Variants in CELA2B observed in about 807,000 individuals in gnomAD.
CELA2B encodes chymotrypsin-like elastase family member 2B.
Under a neutral mutation model 36.5 loss-of-function variants are expected in CELA2B, and 27 were observed. The ratio of observed to expected loss-of-function variants is 0.74; its 90% CI spans 0.55 to 1.02. The LOEUF (loss-of-function observed/expected upper bound fraction) is 1.02. Among genes scored for constraint, CELA2B ranks in the 50% least tolerant of loss-of-function variants. The pLI is 0.00. For missense variants in CELA2B, 340 were observed against 347.8 expected (o/e 0.98, Z 0.18); for synonymous variants, 143 against 148.5 (o/e 0.96, Z 0.27).
At chr1:15,484,729 A>G (rs917063013) in intron 5 of CELA2B, among the ~76,000 whole-genome samples, 17 of 152,210 alleles carry the variant, frequency 1.1e-4, no homozygotes, top group African/African-American at 3.9e-4. Context: ...TCTGTCGGTC[A>G]CGGTGAAACC....
chr1:15,480,674 C>T (rs943759305), intron 2 of CELA2B, among the ~76,000 whole-genome samples: 7 of 152,164 alleles, frequency 4.6e-5, no homozygotes, highest in Non-Finnish European at 8.8e-5. Context: ...GGGGTAACCA[C>T]CCTCATGATT....
chr1:15,480,233 G>A (rs1708722954), intron 2 of CELA2B, among the ~76,000 whole-genome samples: 1 of 152,110 alleles, frequency 6.6e-6, no homozygotes, highest in African/African-American at 2.4e-5. Context: ...CATCCCCTGT[G>A]GAGACGGCCT....
chr1:15,486,001 G>A lies in CELA2B; in HGVS notation c.594G>A (p.Thr198=), dbSNP rs1187512251. Residue 198 remains threonine (T), a synonymous_variant, in exon 6 of 8, where the codon ACG becomes ACA. Transcript: ENST00000375910. ...GCTGGTGGGGCAGCACCGTGAAGAC[G>A]AATATGATCTGTGCTGGGGGTGATG... is the stretch of plus-strand genomic sequence containing the variant. The part of the protein sequence containing the change: ...SSGWWGSTVK[T]NMICAGGDGV... 10 of 1,614,038 alleles carry A rather than the reference G, an allele frequency of 6.2e-6. No homozygotes were observed. Among genetic ancestry groups the A allele is most frequent in the African/African-American group, 1.3e-5 (1 of 74,910 alleles).
At chr1:15,479,397 T>C (rs111546194) in intron 2 of CELA2B, among the ~76,000 whole-genome samples, 3,136 of 151,554 alleles carry the variant, frequency 0.021, 105 homozygotes, top group African/African-American at 0.067. Context: ...GTAAAAAAAA[T>C]CAGCAGGGCA....
intron 7 of CELA2B, among the ~76,000 whole-genome samples, chr1:15,488,342 G>C (rs190702453): frequency 2.6e-5 from 4 of 152,150 alleles, no homozygotes; most frequent in African/African-American, 7.2e-5. Flanking sequence ...AGCCAAGGTC[G>C]CACCACTGCA....
intron 7 of CELA2B, chr1:15,490,994 T>C (rs1233065903): frequency 2.5e-6 from 1 of 401,800 alleles, no homozygotes; most frequent in Admixed American, 3.7e-5. Context: ...TCTAAAAATA[T>C]GCCATCCGCA....
chr1:15,488,422 A>T lies in CELA2B; in HGVS notation c.792+985A>T, dbSNP rs1036440191. Among the ~76,000 whole-genome samples, 25 of 152,306 alleles carry T rather than the reference A, an allele frequency of 1.6e-4. No homozygotes were observed. In the Middle Eastern group the frequency reaches 0.01, roughly 62 times the overall value. ...GATAATAATAGTTGGCATAAATATT[A>T]AGGAGCAGCCATGGATACACACAGA... On this transcript the variant is annotated intron_variant, in intron 7 of 7. Transcript: ENST00000375910.
intron 7 of CELA2B, among the ~76,000 whole-genome samples, chr1:15,490,261 T>TATACAC (rs1557528351): frequency 5.7e-5 from 8 of 140,608 alleles, no homozygotes; most frequent in Non-Finnish European, 7.8e-5. Context: ...TCTATCTATA[T>TATACAC]ACACACACAC....
At chr1:15,488,999 A>G (rs1708839684) in intron 7 of CELA2B, among the ~76,000 whole-genome samples, 2 of 150,524 alleles carry the variant, frequency 1.3e-5, no homozygotes, top group Non-Finnish European at 3.0e-5. Flanking sequence ...GGGGCTTTTT[A>G]TATCTAAATT....
intron 6 of CELA2B, among the ~76,000 whole-genome samples, chr1:15,486,762 G>A (rs1169692856): frequency 1.3e-5 from 2 of 152,230 alleles, no homozygotes; most frequent in African/African-American, 2.4e-5. Flanking sequence ...CCTGGAGACA[G>A]TGTCTTAACC....
chr1:15,488,129 G>T (rs990690610), intron 7 of CELA2B, among the ~76,000 whole-genome samples: 1 of 152,230 alleles, frequency 6.6e-6, no homozygotes, highest in African/African-American at 2.4e-5. Flanking sequence ...GCTCATGCCT[G>T]TAATCGCAGC....
Position 15,476,502 on chromosome 1 carries a change from T to G in CELA2B, c.86T>G (p.Met29Arg). 6.2e-7 allele frequency: 1 copy of G among 1,614,136 alleles called. No individual in the cohort carries two copies. Among genetic ancestry groups the G allele is most frequent in the Non-Finnish European group, 8.5e-7 (1 of 1,180,032 alleles). The change falls in exon 2 of 8, where the codon ATG (methionine) becomes AGG (arginine). Residue 29 changes from methionine to arginine, a missense_variant. Coordinates refer to ENST00000375910, the MANE Select transcript of CELA2B (RefSeq NM_015849.3). ...VSTYAPDMSR[M>R]LGGEEARPNS... ...ACTTACGCGCCTGATATGTCTAGGA[T>G]GCTTGGAGGTGAAGAAGCGAGGCCC...
Position 15,482,275 on chromosome 1 carries a change from A to C in CELA2B, c.238A>C (p.Ile80Leu). 4 of 1,613,770 alleles carry C rather than the reference A, an allele frequency of 2.5e-6. No homozygotes were observed. The highest frequency in any genetic ancestry group is 3.4e-6 in the Non-Finnish European group (4 of 1,179,850). Reference sequence around the variant, plus strand: ...ACCCCTTTCTCCCAGCTCCTCCGGGATCTACCGCGTGATGCTGGGCCAGCA... The same window carrying C: ...ACCCCTTTCTCCCAGCTCCTCCGGGCTCTACCGCGTGATGCTGGGCCAGCA... ...TAAHCISSSG[I>L]YRVMLGQHNL... Residue 80 changes from isoleucine (I) to leucine (L), a missense_variant, in exon 4 of 8, where the codon ATC becomes CTC. Physicochemically the swap from Ile to Leu is conservative, Grantham distance 5. Transcript: ENST00000375910.
chr1:15,488,897 T>C (rs1708838823), intron 7 of CELA2B, among the ~76,000 whole-genome samples: 1 of 152,202 alleles, frequency 6.6e-6, no homozygotes, highest in African/African-American at 2.4e-5. Context: ...CTGGCATCCT[T>C]TTGCCAACAA....
At chr1:15,483,677 C>T (rs75461554) in intron 5 of CELA2B, among the ~76,000 whole-genome samples, 37,191 of 152,100 alleles carry the variant, frequency 0.24, 5,217 homozygotes, top group African/African-American at 0.37. Context: ...CCTGTAATCC[C>T]GGCACTTTGG....
At chr1:15,476,313 T>C (rs1247968620) in intron 1 of CELA2B, 144 bp from the exon 2 acceptor site, 12 of 1,415,734 alleles carry the variant, frequency 8.5e-6, no homozygotes, top group Non-Finnish European at 9.8e-6. Flanking sequence ...TTTCAAAGAA[T>C]TGGAGCAAAC....
chr1:15,487,313 A>G lies in CELA2B; in HGVS notation c.668A>G (p.Gln223Arg). The G allele has an allele frequency of 1.2e-6, 2 of 1,614,228 alleles. No homozygotes were observed. Among genetic ancestry groups the G allele is most frequent in the African/African-American group, 2.7e-5 (2 of 75,066 alleles). ...GACTCCGGTGGGCCGCTGAACTGTCAGGCATCTGACGGCCGGTGGGAGGTG... is the reference window on the plus strand; with the variant it reads ...GACTCCGGTGGGCCGCTGAACTGTCGGGCATCTGACGGCCGGTGGGAGGTG... ...NGDSGGPLNC[Q>R]ASDGRWEVHG... The change falls in exon 7 of 8, where the codon CAG becomes CGG. Residue 223 changes from glutamine to arginine, a missense_variant. Gln to Arg is a conservative substitution (Grantham distance 43). Transcript: ENST00000375910.
At chr1:15,486,194 C>T (rs1269254884) in intron 6 of CELA2B, 148 bp downstream of exon 6, 89 of 1,100,726 alleles carry the variant, frequency 8.1e-5, no homozygotes, top group Non-Finnish European at 9.4e-5. Flanking sequence ...CAGAACCTGA[C>T]CTTTGGCCAG....
At chr1:15,489,603 G>T (rs1708848958) in intron 7 of CELA2B, among the ~76,000 whole-genome samples, 1 of 152,222 alleles carries the variant, frequency 6.6e-6, no homozygotes. Flanking sequence ...ACCCAGACAG[G>T]TGACAAGCCA....
Sources: allele counts gnomAD v4.1 joint callset (sites outside exome capture counted in the v4.1 genomes callset), GRCh38; gene constraint gnomAD v4.1.1; transcripts MANE v1.5; gene names NCBI Gene and HGNC (gene_info 2026-07-23, HGNC 2026-07-21).